RAB31: variants seen among roughly 807,000 people sequenced by gnomAD.
RAB31 encodes the protein RAB31, member RAS oncogene family, also known as ras-related protein Rab-31.
A neutral mutation model predicts 25.6 loss-of-function variants in RAB31; 21 were observed. The ratio of observed to expected loss-of-function variants is 0.82; its 90% CI spans 0.58 to 1.18. The LOEUF (loss-of-function observed/expected upper bound fraction) is 1.18. RAB31 is among the 50% of genes most tolerant of loss of function. The probability of loss-of-function intolerance (pLI) is 0.00; values close to 1 mark genes in which losing one functional copy is unlikely to be tolerated. For synonymous variants in RAB31, 87 were observed against 84.0 expected (o/e 1.04, Z -0.20); for missense variants, 196 against 250.1 (o/e 0.78, Z 1.46).
intron 1 of RAB31, among the ~76,000 whole-genome samples, chr18:9,750,110 T>C (rs151093694): frequency 3.3e-4 from 50 of 152,290 alleles, no homozygotes; most frequent in Admixed American, 2.0e-3. Context: ...TTTGTGACTC[T>C]GTGGAGGCGT....
intron 1 of RAB31, among the ~76,000 whole-genome samples, chr18:9,734,102 A>G (rs935887235): frequency 2.0e-5 from 1 of 49,066 alleles, no homozygotes; most frequent in Non-Finnish European, 3.7e-5. Context: ...GGTGGCGGGG[A>G]GGAGGGAGGG....
intron 3 of RAB31, among the ~76,000 whole-genome samples, chr18:9,801,286 T>C: frequency 7.4e-6 from 1 of 135,948 alleles, no homozygotes; most frequent in African/African-American, 2.8e-5. Flanking sequence ...TTGTGTAGAT[T>C]TTTTTTTTTT....
rs112580696 is a variant in RAB31, at chr18:9,708,735, C to T, written c.39+291C>T. 0.15 allele frequency among the ~76,000 whole-genome samples: 22,767 copies of T among 151,996 alleles called. 1,786 individuals carry two copies. Among genetic ancestry groups the T allele is most frequent in the Middle Eastern group, 0.31 (92 of 294 alleles). On this transcript the variant is annotated intron_variant, in intron 1 of 6. Coordinates refer to ENST00000578921, the MANE Select transcript of RAB31 (RefSeq NM_006868.4). The surrounding 1 kb of genome is among the most constrained non-coding windows in gnomAD (Gnocchi z 6.4). ...CCCCCGCTCTCACCCTGCCGGGGTC[C>T]GGGTCCGAGCCTGCCCCGGGCTTAC...
At chr18:9,809,269 G>GAGCCA (rs2068558558) in intron 3 of RAB31, among the ~76,000 whole-genome samples, 1 of 97,884 alleles carries the variant, frequency 1.0e-5, no homozygotes, top group South Asian at 4.6e-4. Context: ...AAGTAGGATA[G>GAGCCA]AGCCAAGCCA....
At chr18:9,809,978 C>T (rs1026968749) in intron 3 of RAB31, among the ~76,000 whole-genome samples, 2 of 152,178 alleles carry the variant, frequency 1.3e-5, no homozygotes, top group Admixed American at 6.5e-5. Context: ...TGAAGAAGGC[C>T]GTTCCCGTCT....
intron 1 of RAB31, among the ~76,000 whole-genome samples, chr18:9,728,609 C>T (rs541407720): frequency 1.3e-5 from 2 of 152,304 alleles, no homozygotes; most frequent in South Asian, 4.1e-4. Context: ...ACAATCTTGG[C>T]TCACTACAAC....
intron 1 of RAB31, among the ~76,000 whole-genome samples, chr18:9,736,730 A>T (rs1197865377): frequency 1.3e-5 from 2 of 151,130 alleles, no homozygotes; most frequent in African/African-American, 4.8e-5. Flanking sequence ...TAAGTGGGTT[A>T]TGCCTACAGT....
At position 9,761,847 on chromosome 18, in the gene RAB31, G is replaced by T. The variant is rs2068290521; in HGVS notation, c.40-13431G>T. 2.0e-5 allele frequency among the ~76,000 whole-genome samples: 3 copies of T among 152,142 alleles called. No homozygotes were observed. In the South Asian group the frequency reaches 6.2e-4, roughly 32 times the overall value. On this transcript the variant is annotated intron_variant, in intron 1 of 6. Coordinates refer to ENST00000578921, the MANE Select transcript of RAB31 (RefSeq NM_006868.4). Reference sequence around the variant, plus strand: ...ATTTAAGACAGAGTCTTGCTCTGTTGCCCAGGCTGGAGTGCAGTGGTGTGA... The same window carrying T: ...ATTTAAGACAGAGTCTTGCTCTGTTTCCCAGGCTGGAGTGCAGTGGTGTGA...
rs542191503 is a variant in RAB31 at position 9,813,320 on chromosome 18, T to C, written c.202-700T>C. Reference sequence around the variant, plus strand: ...GCAAGGGTCCTGTGATCTTTGCCAGTGTTCCCTTTCCCTCTCCTTGCCATA... The same window carrying C: ...GCAAGGGTCCTGTGATCTTTGCCAGCGTTCCCTTTCCCTCTCCTTGCCATA... On this transcript the variant is annotated intron_variant, in intron 3 of 6. Coordinates refer to ENST00000578921, the MANE Select transcript of RAB31 (RefSeq NM_006868.4). Among the ~76,000 whole-genome samples, 87 of 152,304 alleles carry C rather than the reference T, an allele frequency of 5.7e-4. 1 individual carries two copies. Among genetic ancestry groups the C allele is most frequent in the South Asian group, 1.0e-3 (5 of 4,822 alleles).
intron 2 of RAB31, among the ~76,000 whole-genome samples, chr18:9,786,054 AAGAGAGAAAG>A (rs933120167): frequency 3.3e-5 from 5 of 150,948 alleles, no homozygotes; most frequent in African/African-American, 7.3e-5. Context: ...CTGAGAAAGA[AAGAGAGAAAG>A]AGAAAGAGAG....
At chr18:9,814,817 A>G (rs1012483297) in intron 4 of RAB31, 14 of 236,900 alleles carry the variant, frequency 5.9e-5, no homozygotes, top group Admixed American at 2.6e-4. Flanking sequence ...TAGTCCTGTT[A>G]TTCTTATTCA....
At position 9,708,857 on chromosome 18, in the gene RAB31, C is replaced by T. The variant is rs553550528; in HGVS notation, c.39+413C>T. On this transcript the variant is annotated intron_variant, in intron 1 of 6. Transcript: ENST00000578921. The surrounding 1 kb of genome is among the most constrained non-coding windows in gnomAD (Gnocchi z 6.4). Reference sequence around the variant, plus strand: ...GGCAGTGGCGGCGAGTCTGGGGCCCCGAGGGCTTTCTCCTCCGCTTTTGAT... The same window carrying T: ...GGCAGTGGCGGCGAGTCTGGGGCCCTGAGGGCTTTCTCCTCCGCTTTTGAT... Among the ~76,000 whole-genome samples, 38 of 152,202 alleles carry T rather than the reference C, an allele frequency of 2.5e-4. No individual in the cohort carries two copies. The highest frequency in any genetic ancestry group is 5.4e-4 in the Non-Finnish European group (37 of 68,032).
Position 9,708,326 on chromosome 18 carries a change from G to C in RAB31, c.-80G>C. The C allele has an allele frequency of 3.4e-6, 4 of 1,188,098 alleles. No homozygotes were observed. Among genetic ancestry groups the C allele is most frequent in the Non-Finnish European group, 4.5e-6 (4 of 888,456 alleles). 73.6% of individuals were successfully genotyped at this position (1,188,098 alleles called of 1,614,324 possible). On this transcript the variant is annotated 5_prime_UTR_variant, in exon 1 of 7. Transcript: ENST00000578921. The surrounding 1 kb of genome is among the most constrained non-coding windows in gnomAD (Gnocchi z 6.4). Reference sequence around the variant, plus strand: ...GCGGGCGGCGCGAGCGAGGGGCAGAGGCGAGAGACGCCGGCGGGGCGCGGG... The same window carrying C: ...GCGGGCGGCGCGAGCGAGGGGCAGACGCGAGAGACGCCGGCGGGGCGCGGG...
chr18:9,793,987 G>A (rs1196244326), intron 3 of RAB31, among the ~76,000 whole-genome samples: 1 of 152,188 alleles, frequency 6.6e-6, no homozygotes, highest in Non-Finnish European at 1.5e-5. Flanking sequence ...CTGGAGTGCA[G>A]TGGTGCAATC....
At chr18:9,710,413 CCAAGAAAGATACA>C (rs2068010285) in intron 1 of RAB31, among the ~76,000 whole-genome samples, 1 of 152,194 alleles carries the variant, frequency 6.6e-6, no homozygotes, top group Non-Finnish European at 1.5e-5. Flanking sequence ...TCTTTTATCT[CCAAGAAAGATACA>C]CACTCTTTGA....
At chr18:9,770,909 C>T (rs80119010) in intron 1 of RAB31, among the ~76,000 whole-genome samples, 17,015 of 147,344 alleles carry the variant, frequency 0.12, 999 homozygotes, top group South Asian at 0.2. Context: ...AAGCCTATAA[C>T]CCCAGCACTT....
intron 1 of RAB31, among the ~76,000 whole-genome samples, chr18:9,764,677 A>C (rs1481005008): frequency 6.6e-6 from 1 of 151,846 alleles, no homozygotes; most frequent in Non-Finnish European, 1.5e-5. Flanking sequence ...CTCTGGTAGG[A>C]TGTTTTACAT....
intron 5 of RAB31, among the ~76,000 whole-genome samples, chr18:9,818,382 TCCTTCCAGC>T (rs2068609672): frequency 6.6e-6 from 1 of 152,186 alleles, no homozygotes; most frequent in South Asian, 2.1e-4. Context: ...AATTTCCACC[TCCTTCCAGC>T]CCTGGTAATC....
intron 6 of RAB31, among the ~76,000 whole-genome samples, chr18:9,851,577 C>T (rs917048135): frequency 3.0e-4 from 46 of 152,160 alleles, no homozygotes; most frequent in African/African-American, 1.1e-3. Flanking sequence ...GGCAGGCAGG[C>T]TCCGGGGCAC....
Sources: gnomAD v4.1 joint callset for allele counts (sites outside exome capture counted in the v4.1 genomes callset) on GRCh38, gnomAD v4.1.1 for gene constraint, Gnocchi (gnomAD v3.1) non-coding constraint, MANE v1.5 for transcripts, NCBI Gene and HGNC (gene_info 2026-07-23, HGNC 2026-07-21) for gene names.